HPGDS: variants seen among roughly 807,000 people sequenced by gnomAD.
The protein encoded by HPGDS is hematopoietic prostaglandin D synthase, also known as GST class-sigma.
In HPGDS, 26 loss-of-function variants were observed where a neutral mutation model predicts 23.1. The ratio of observed to expected loss-of-function variants is 1.13; its 90% CI spans 0.83 to 1.56. The LOEUF (loss-of-function observed/expected upper bound fraction) is 1.56, where lower values mean the gene tolerates loss of function less well. Ranked by LOEUF, HPGDS falls within the 40% of genes most tolerant of loss-of-function variation. The probability of loss-of-function intolerance (pLI) is 0.00; values close to 1 mark genes in which losing one functional copy is unlikely to be tolerated. For synonymous variants in HPGDS, 95 were observed against 77.9 expected (o/e 1.22, Z -1.16); for missense variants, 268 against 236.4 (o/e 1.13, Z -0.88).
chr4:94,317,514 A>G (rs1280045892), intron 3 of HPGDS, among the ~76,000 whole-genome samples: 1 of 152,166 alleles, frequency 6.6e-6, no homozygotes, highest in African/African-American at 2.4e-5. Context: ...CAACCTCCAT[A>G]TGCCATATGT....
chr4:94,334,507 T>C lies in HPGDS; in HGVS notation c.123A>G (p.Glu41=). Residue 41 remains glutamate, a synonymous_variant, in exon 2 of 6, where the codon GAA becomes GAG. Transcript: ENST00000295256. Reference sequence around the variant, plus strand: ...ATTTTTGCTACTTACTTGATTTGATTTCAGGCCAGTCAGCTTGTTCTATTC... The same window carrying C: ...ATTTTTGCTACTTACTTGATTTGATCTCAGGCCAGTCAGCTTGTTCTATTC... ...DHRIEQADWP[E]IKSTLPFGKI... 6.3e-7 allele frequency: 1 copy of C among 1,595,370 alleles called. No individual in the cohort carries two copies. Among genetic ancestry groups the C allele is most frequent in the Non-Finnish European group, 8.5e-7 (1 of 1,173,010 alleles).
At chr4:94,334,417 A>AT (rs558699777) in intron 2 of HPGDS, 80 bp downstream of exon 2, 1,091 of 1,315,828 alleles carry the variant, frequency 8.3e-4, no homozygotes, top group Non-Finnish European at 8.9e-4. Flanking sequence ...GAAAACCTTG[A>AT]TTTTTTTTTC....
At chr4:94,328,943 C>A (rs2126044255) in intron 2 of HPGDS, among the ~76,000 whole-genome samples, 1 of 152,270 alleles carries the variant, frequency 6.6e-6, no homozygotes, top group South Asian at 2.1e-4. Context: ...GAGAACTATA[C>A]TTCACATCTG....
Position 94,299,522 on chromosome 4 carries a change from G to A in HPGDS, c.558C>T (p.Ala186=), listed in dbSNP as rs369025406. The change falls in exon 6 of 6, where the codon GCC becomes GCT. Residue 186 remains alanine, a synonymous_variant. Transcript: ENST00000295256. The part of the protein sequence containing the change: ...TLRKKVQAIP[A]VANWIKRRPQ... ...GCCTTCGTTTTATCCAGTTAGCGACGGCAGGAATGGCTTGGACTTTCTTCC... is the reference window on the plus strand; with the variant it reads ...GCCTTCGTTTTATCCAGTTAGCGACAGCAGGAATGGCTTGGACTTTCTTCC... 2.4e-5 allele frequency: 39 copies of A among 1,613,592 alleles called. No individual in the cohort carries two copies. The African/African-American group carries it at 2.9e-4, about 12-fold the overall frequency.
chr4:94,331,504 C>T (rs768735141), intron 2 of HPGDS, among the ~76,000 whole-genome samples: 29 of 152,234 alleles, frequency 1.9e-4, no homozygotes, highest in Non-Finnish European at 3.4e-4. Flanking sequence ...GCTCAGTGTG[C>T]ATGGGAGGGG....
intron 2 of HPGDS, among the ~76,000 whole-genome samples, chr4:94,323,455 G>T (rs1366843766): frequency 6.6e-6 from 1 of 152,168 alleles, no homozygotes; most frequent in Non-Finnish European, 1.5e-5. Context: ...CCTCTACCAG[G>T]TGCATATATA....
chr4:94,314,985 G>T (rs1355160581), intron 3 of HPGDS, among the ~76,000 whole-genome samples: 1 of 152,202 alleles, frequency 6.6e-6, no homozygotes. Flanking sequence ...AAGACTGTCG[G>T]AAACGCGCAG....
intron 1 of HPGDS, among the ~76,000 whole-genome samples, chr4:94,335,628 TATA>T (rs1320270873): frequency 3.9e-5 from 6 of 152,192 alleles, no homozygotes; most frequent in Non-Finnish European, 5.9e-5. Flanking sequence ...AGGTAATACA[TATA>T]AGGTACGTAG....
intron 4 of HPGDS, chr4:94,303,617 T>A (rs2171381): frequency 0.38 from 57,616 of 152,042 alleles, 11,929 homozygotes; most frequent in East Asian, 0.72. Flanking sequence ...GTCTTTCTGC[T>A]GCTTACACAG....
chr4:94,313,425 G>T (rs1003270788), intron 3 of HPGDS, among the ~76,000 whole-genome samples: 15 of 152,156 alleles, frequency 9.9e-5, no homozygotes, highest in Non-Finnish European at 4.4e-5. Flanking sequence ...ATGAAATTCT[G>T]GGTTGAAAAT....
At chr4:94,328,954 G>A (rs1354609017) in intron 2 of HPGDS, among the ~76,000 whole-genome samples, 1 of 152,038 alleles carries the variant, frequency 6.6e-6, no homozygotes, top group Non-Finnish European at 1.5e-5. Flanking sequence ...TTCACATCTG[G>A]AATAAAAATA....
intron 1 of HPGDS, among the ~76,000 whole-genome samples, chr4:94,340,305 CTTT>C (rs1721120368): frequency 7.6e-5 from 2 of 26,200 alleles, no homozygotes; most frequent in Non-Finnish European, 1.4e-4. Flanking sequence ...TTCTTTCTTT[CTTT>C]CTCTTTTTTT....
chr4:94,336,966 T>A (rs1382550487), intron 1 of HPGDS, among the ~76,000 whole-genome samples: 4 of 151,892 alleles, frequency 2.6e-5, no homozygotes, highest in African/African-American at 9.7e-5. Flanking sequence ...TTTCGTTTTG[T>A]TTCGTTTTGT....
Position 94,317,733 on chromosome 4 carries a change from T to C in HPGDS, c.226+140A>G, listed in dbSNP as rs1234881559. 5.8e-6 allele frequency: 3 copies of C among 517,242 alleles called. No homozygotes were observed. In the African/African-American group the frequency reaches 5.9e-5, roughly 10 times the overall value. The allele number at this position is 517,242 out of a possible 1,614,324, so 32.0% of individuals were successfully genotyped here. On this transcript the variant is annotated intron_variant, in intron 3 of 5. Coordinates refer to ENST00000295256, the MANE Select transcript of HPGDS (RefSeq NM_014485.3). ...TGGAAAGTTAAACTGATACAGGTGG[T>C]ATATTTATACTTTTCTCTTATTTAA...
intron 1 of HPGDS, among the ~76,000 whole-genome samples, chr4:94,340,625 C>T (rs1346411945): frequency 7.3e-6 from 1 of 136,398 alleles, no homozygotes; most frequent in Non-Finnish European, 1.6e-5. Context: ...AGGGGTGAGC[C>T]ACCGGGCCCG....
chr4:94,341,778 T>C (rs1277329854), intron 1 of HPGDS, among the ~76,000 whole-genome samples: 1 of 152,216 alleles, frequency 6.6e-6, no homozygotes. Flanking sequence ...AATAAACTTA[T>C]ACAAAATGTA....
Position 94,298,536 on chromosome 4 carries a change from G to A in HPGDS, c.*944C>T, listed in dbSNP as rs1755970797. On this transcript the variant is annotated 3_prime_UTR_variant, in exon 6 of 6. Coordinates refer to ENST00000295256, the MANE Select transcript of HPGDS (RefSeq NM_014485.3). ...GCAACGTGGCTGTTTATTTCACCTGGGTGCAGGTGGGCTGAGTCCGAAAAG... is the reference window on the plus strand; with the variant it reads ...GCAACGTGGCTGTTTATTTCACCTGAGTGCAGGTGGGCTGAGTCCGAAAAG... 1 of 152,306 alleles carries A rather than the reference G, an allele frequency of 6.6e-6. No individual in the cohort carries two copies. The highest frequency in any genetic ancestry group is 2.4e-5 in the African/African-American group (1 of 41,444). 9.4% of individuals were successfully genotyped at this position (152,306 alleles called of 1,614,324 possible). A position where few individuals can be genotyped will look rare whatever the true frequency, so the allele number is the denominator to read the frequency against.
chr4:94,340,529 T>G (rs1486691090), intron 1 of HPGDS, among the ~76,000 whole-genome samples: 2 of 145,700 alleles, frequency 1.4e-5, no homozygotes, highest in African/African-American at 5.1e-5. Context: ...TTAATAGAGA[T>G]GGGGTTTCCC....
At chr4:94,322,120 G>C (rs1756523981) in intron 2 of HPGDS, among the ~76,000 whole-genome samples, 1 of 152,012 alleles carries the variant, frequency 6.6e-6, no homozygotes, top group Non-Finnish European at 1.5e-5. Context: ...AAGCCAGCTT[G>C]ATCTTGGTGG....
Sources: allele counts gnomAD v4.1 joint callset (sites outside exome capture counted in the v4.1 genomes callset), GRCh38; gene constraint gnomAD v4.1.1; transcripts MANE v1.5; gene names NCBI Gene and HGNC (gene_info 2026-07-23, HGNC 2026-07-21).